GRIP1: variants seen among roughly 807,000 people sequenced by gnomAD.
GRIP1 encodes glutamate receptor interacting protein 1.
Under a neutral mutation model 129.9 loss-of-function variants are expected in GRIP1, and 45 were observed. The ratio of observed to expected loss-of-function variants is 0.35; its 90% CI spans 0.27 to 0.44. The LOEUF is 0.44. Among genes scored for constraint, GRIP1 ranks in the 20% least tolerant of loss-of-function variants. GRIP1 has a pLI of 1.00. For synonymous variants in GRIP1, 530 were observed against 520.8 expected, an observed-to-expected ratio of 1.02 and a Z score of -0.24; for missense variants, 1,196 against 1,396.8, an observed-to-expected ratio of 0.86 and a Z score of 2.29.
intron 1 of GRIP1, among the ~76,000 whole-genome samples, chr12:66,656,898 C>T (rs2033191371): frequency 1.3e-5 from 2 of 152,068 alleles, no homozygotes; most frequent in Admixed American, 6.5e-5. Flanking sequence ...TTTAGTCTCA[C>T]TTGGTTTTTA....
At chr12:66,666,918 G>A (rs1019219703) in intron 1 of GRIP1, among the ~76,000 whole-genome samples, 2 of 150,994 alleles carry the variant, frequency 1.3e-5, no homozygotes, top group Admixed American at 6.6e-5. Context: ...AATCTGACAC[G>A]AAGTTGATTC....
intron 14 of GRIP1, among the ~76,000 whole-genome samples, chr12:66,425,761 G>A (rs2057962471): frequency 6.7e-6 from 1 of 148,546 alleles, no homozygotes; most frequent in African/African-American, 2.5e-5. Context: ...TCATAGGTGG[G>A]AACCGAACAA....
At chr12:67,012,712 T>C (rs767677265) in intron 1 of GRIP1, among the ~76,000 whole-genome samples, 3 of 152,166 alleles carry the variant, frequency 2.0e-5, no homozygotes, top group Non-Finnish European at 4.4e-5. Flanking sequence ...GAGCTGTGAA[T>C]TGTTTTCTTA....
intron 2 of GRIP1, among the ~76,000 whole-genome samples, chr12:66,562,661 A>C (rs2062580851): frequency 6.6e-6 from 1 of 152,106 alleles, no homozygotes; most frequent in Non-Finnish European, 1.5e-5. Context: ...TTTTATGAAA[A>C]ATCTGGCATT....
At chr12:66,406,762 A>C (rs898548360) in intron 15 of GRIP1, among the ~76,000 whole-genome samples, 1 of 152,204 alleles carries the variant, frequency 6.6e-6, no homozygotes, top group Non-Finnish European at 1.5e-5. Flanking sequence ...GTCTTTCTCC[A>C]TATTGTTGTA....
intron 1 of GRIP1, among the ~76,000 whole-genome samples, chr12:67,014,613 A>AGG (rs1312055445): frequency 6.6e-6 from 1 of 152,150 alleles, no homozygotes; most frequent in East Asian, 1.9e-4. Context: ...TGTAACACAA[A>AGG]GGGGGTTCTG....
chr12:66,471,873 G>C (rs12369857), intron 7 of GRIP1, among the ~76,000 whole-genome samples: 1 of 152,288 alleles, frequency 6.6e-6, no homozygotes, highest in East Asian at 1.9e-4. Flanking sequence ...ACGAGATAAT[G>C]TATTGGTCAA....
At chr12:66,838,596 A>C (rs1208103290) in intron 1 of GRIP1, among the ~76,000 whole-genome samples, 3 of 152,220 alleles carry the variant, frequency 2.0e-5, no homozygotes, top group Admixed American at 2.0e-4. Context: ...CTGATGAGGA[A>C]TGTTTGGGAT....
rs577745924 is a variant in GRIP1 at position 66,452,208 on chromosome 12, T to C, written c.1354+3201A>G. 3.5e-4 allele frequency among the ~76,000 whole-genome samples: 53 copies of C among 152,162 alleles called. 2 individuals carry two copies. Among genetic ancestry groups the C allele is most frequent in the Middle Eastern group, 3.4e-3 (1 of 292 alleles). On this transcript the variant is annotated intron_variant, in intron 11 of 24. Transcript: ENST00000359742. ...CAGCCATGCTGTTGTTACAGGGAGA[T>C]GATGAGGTTCTGGAAGGAGACTTGG...
At chr12:66,464,945 TC>T (rs200671375) in intron 8 of GRIP1, among the ~76,000 whole-genome samples, 9,299 of 138,154 alleles carry the variant, frequency 0.067, 875 homozygotes, top group African/African-American at 0.22. Context: ...TTTCTTTCTT[TC>T]TTTCTTTCTT....
In GRIP1 at chr12:66,392,379, G is replaced by T. The variant is rs200363939; in HGVS notation, c.2393C>A (p.Thr798Lys). ...CACAGCACTGTCCACACTGGGCACC[G>T]TGGAGGGGTACATGTCGGAGAGCTT... The part of the protein sequence containing the change: ...PGKLSDMYPS[T>K]VPSVDSAVDS... Residue 798 changes from threonine (T) to lysine (K), a missense_variant, in exon 19 of 25, where the codon ACG becomes AAG. Around this residue, in one of 5 missense-constraint regions of GRIP1, gnomAD observed 427 missense variants for 463.3 expected, o/e 0.92. Coordinates refer to ENST00000359742, the MANE Select transcript of GRIP1 (RefSeq NM_001366722.1). The T allele has an allele frequency of 6.2e-7, 1 of 1,613,728 alleles. No individual in the cohort carries two copies. The highest frequency in any genetic ancestry group is 8.5e-7 in the Non-Finnish European group (1 of 1,179,648).
chr12:66,499,203 T>C (rs545787323), intron 7 of GRIP1, among the ~76,000 whole-genome samples: 1 of 152,332 alleles, frequency 6.6e-6, no homozygotes, highest in South Asian at 2.1e-4. Flanking sequence ...CCTATCACTG[T>C]GGAAGTCATG....
chr12:66,562,632 T>C (rs2062579282), intron 2 of GRIP1, among the ~76,000 whole-genome samples: 1 of 152,170 alleles, frequency 6.6e-6, no homozygotes, highest in Non-Finnish European at 1.5e-5. Context: ...GAGGAACCCA[T>C]ATTTACAGTA....
chr12:66,512,198 C>T (rs567766670), intron 7 of GRIP1, among the ~76,000 whole-genome samples: 6 of 151,958 alleles, frequency 3.9e-5, no homozygotes, highest in African/African-American at 1.5e-4. Flanking sequence ...AGTGTGAAAA[C>T]GGACTAACAC....
At chr12:67,045,954 C>T (rs2043247166) in intron 1 of GRIP1, among the ~76,000 whole-genome samples, 1 of 152,162 alleles carries the variant, frequency 6.6e-6, no homozygotes. Context: ...GGAAATTTCA[C>T]CTGAAACACA....
At chr12:66,922,659 T>C (rs1169550816) in intron 1 of GRIP1, among the ~76,000 whole-genome samples, 1 of 152,228 alleles carries the variant, frequency 6.6e-6, no homozygotes, top group Non-Finnish European at 1.5e-5. Context: ...CAAACAGATT[T>C]TAGCAAAAGT....
intron 1 of GRIP1, among the ~76,000 whole-genome samples, chr12:66,781,330 T>C (rs1254113515): frequency 2.6e-5 from 4 of 152,214 alleles, no homozygotes; most frequent in Admixed American, 6.5e-5. Context: ...TGTTTTTGTT[T>C]TTCCAAATGA....
intron 16 of GRIP1, among the ~76,000 whole-genome samples, chr12:66,401,617 C>T (rs377659500): frequency 0.48 from 39,087 of 80,738 alleles, 7,676 homozygotes; most frequent in Middle Eastern, 0.62. Context: ...TATACACACA[C>T]ACACACACAC....
intron 1 of GRIP1, among the ~76,000 whole-genome samples, chr12:66,914,045 G>A (rs1487440705): frequency 6.6e-6 from 1 of 152,068 alleles, no homozygotes; most frequent in Non-Finnish European, 1.5e-5. Context: ...TCAGAATTAC[G>A]CTATCCCTGT....
Sources: gnomAD v4.1 joint callset for allele counts (sites outside exome capture counted in the v4.1 genomes callset) on GRCh38, gnomAD v4.1.1 for gene constraint, gnomAD v4.1.1 regional missense constraint, MANE v1.5 for transcripts, NCBI Gene and HGNC (gene_info 2026-07-23, HGNC 2026-07-21) for gene names.